The following RNF217 variants were observed in gnomAD, a reference collection of about 807,000 sequenced individuals.
RNF217 encodes ring finger protein 217.
A neutral mutation model predicts 57.8 loss-of-function variants in RNF217; 31 were observed. That is an observed-to-expected ratio of 0.54 (90% CI 0.40 to 0.72). RNF217 has a LOEUF of 0.72. Among genes scored for constraint, RNF217 ranks in the 30% least tolerant of loss-of-function variants. The pLI is 0.00. For synonymous variants in RNF217, 313 were observed against 294.0 expected (o/e 1.06, Z -0.66); for missense variants, 696 against 708.3 (o/e 0.98, Z 0.20).
chr6:124,998,904 A>G (rs765313944), intron 1 of RNF217, among the ~76,000 whole-genome samples: 11 of 152,216 alleles, frequency 7.2e-5, no homozygotes, highest in Non-Finnish European at 1.6e-4. Context: ...TTGGTCCAGA[A>G]CAATGCCTTA....
chr6:124,962,701 G>C lies in RNF217; in HGVS notation c.157G>C (p.Gly53Arg). ...CGCCGCCTCCGCGGAGCCGAGCGGC[G>C]GTGGCTGCGGAAGCGACTGGGGCTG... ...LRAASAEPSG[G>R]GCGSDWGCAD... Residue 53 changes from glycine to arginine, a missense_variant, in exon 1 of 6, where the codon GGT (glycine) becomes CGT (arginine). By Grantham distance (125) the Gly-to-Arg change is moderately radical. Coordinates refer to ENST00000521654, the MANE Select transcript of RNF217 (RefSeq NM_001286398.3). The surrounding 1 kb of genome is among the most constrained non-coding windows in gnomAD (Gnocchi z 4.6). The C allele has an allele frequency of 7.1e-7, 1 of 1,404,280 alleles. No individual in the cohort carries two copies. Among genetic ancestry groups the C allele is most frequent in the Non-Finnish European group, 9.2e-7 (1 of 1,091,920 alleles). The allele number at this position is 1,404,280 out of a possible 1,614,324, so 87.0% of individuals were successfully genotyped here.
At chr6:124,997,747 A>G (rs2115062811) in intron 1 of RNF217, among the ~76,000 whole-genome samples, 1 of 152,244 alleles carries the variant, frequency 6.6e-6, no homozygotes, top group Middle Eastern at 3.4e-3. Flanking sequence ...AGCCCTGAAC[A>G]CTTTCCCTTG....
rs61496685 is a variant in RNF217 at position 125,071,484 on chromosome 6, ATGTGTGTGTGTGTGTGTGTG to A, written c.1282-5139_1282-5120del. On this transcript the variant is annotated intron_variant, in intron 3 of 5. Transcript: ENST00000521654. ...TTCAACTTGGAGCATCTGCCTACAT[ATGTGTGTGTGTGTGTGTGTG>A]TGTGTGTGTGTGTGTGTGTGTGTGT... 4.1e-3 allele frequency among the ~76,000 whole-genome samples: 562 copies of A among 136,838 alleles called. 7 individuals carry two copies. Among genetic ancestry groups the A allele is most frequent in the Admixed American group, 0.023 (312 of 13,288 alleles). The allele number at this position is 136,838 out of a possible 152,430, so 89.8% of individuals were successfully genotyped here.
intron 1 of RNF217, among the ~76,000 whole-genome samples, chr6:125,034,772 A>G (rs188273846): frequency 0.016 from 2,493 of 152,178 alleles, 71 homozygotes; most frequent in African/African-American, 0.057. Flanking sequence ...AACTGAATCT[A>G]TAAATTACCT....
intron 1 of RNF217, among the ~76,000 whole-genome samples, chr6:125,000,525 AAAC>A (rs1334686247): frequency 6.6e-6 from 1 of 152,052 alleles, no homozygotes; most frequent in Non-Finnish European, 1.5e-5. Flanking sequence ...TATTTTTTGA[AAAC>A]AACTACTGAT....
chr6:125,082,621 A>C lies in RNF217; in HGVS notation c.1556-243A>C, dbSNP rs957653322. ...TGGACAATAAAGAAGATTTAAACCA[A>C]AGTTTTGATATTTGGATAGAAATCA... On this transcript the variant is annotated intron_variant, in intron 5 of 5. Transcript: ENST00000521654. 99 of 1,575,814 alleles carry C rather than the reference A, an allele frequency of 6.3e-5. No individual in the cohort carries two copies. In the Middle Eastern group the frequency reaches 6.8e-4, roughly 11 times the overall value.
At chr6:125,002,012 A>G (rs1296344864) in intron 1 of RNF217, among the ~76,000 whole-genome samples, 1 of 152,212 alleles carries the variant, frequency 6.6e-6, no homozygotes, top group African/African-American at 2.4e-5. Context: ...TATTCTCCAT[A>G]TGAAATAAGA....
chr6:125,011,087 C>A (rs1191738189), intron 1 of RNF217, among the ~76,000 whole-genome samples: 1 of 151,884 alleles, frequency 6.6e-6, no homozygotes, highest in Non-Finnish European at 1.5e-5. Context: ...GTATAGGGTA[C>A]CAAGAATGTT....
rs1788936287 is a variant in RNF217, at chr6:125,091,140, T to C, written c.*8203T>C. 1 of 152,066 alleles carries C rather than the reference T, an allele frequency of 6.6e-6. No individual in the cohort carries two copies. The highest frequency in any genetic ancestry group is 2.4e-5 in the African/African-American group (1 of 41,452). The allele number at this position is 152,066 out of a possible 1,614,324, so 9.4% of individuals were successfully genotyped here. ...TCCATGAATTGTGTTTTTAGCATAG[T>C]ATATACTTTTCTACCACGTTAGCAT... On this transcript the variant is annotated 3_prime_UTR_variant, in exon 6 of 6. Transcript: ENST00000521654.
chr6:124,981,433 C>T (rs1049365979), intron 1 of RNF217, among the ~76,000 whole-genome samples: 1 of 152,140 alleles, frequency 6.6e-6, no homozygotes, highest in African/African-American at 2.4e-5. Flanking sequence ...CATGAGACAT[C>T]AATCAGTATG....
chr6:125,021,637 A>T lies in RNF217; in HGVS notation c.883-23574A>T, dbSNP rs559098433. 4.0e-4 allele frequency among the ~76,000 whole-genome samples: 61 copies of T among 152,316 alleles called. 1 individual carries two copies. In the South Asian group the frequency reaches 0.012, roughly 31 times the overall value. ...AATTCAGAGTACATGTAGAATAAAT[A>T]TATTCTACAAGGACTTATATGAAAA... On this transcript the variant is annotated intron_variant, in intron 1 of 5. Transcript: ENST00000521654.
Position 125,072,765 on chromosome 6 carries a change from TTGTC to T in RNF217, c.1282-3889_1282-3886del, listed in dbSNP as rs1788198144. Among the ~76,000 whole-genome samples, 7 of 152,314 alleles carry T rather than the reference TTGTC, an allele frequency of 4.6e-5. No individual in the cohort carries two copies. In the South Asian group the frequency reaches 1.0e-3, roughly 23 times the overall value. ...CCTTGTGGAGGGAGAGCTGACATGT[TTGTC>T]TGACTGGTTGGCAAATAATATGATT... On this transcript the variant is annotated intron_variant, in intron 3 of 5. Coordinates refer to ENST00000521654, the MANE Select transcript of RNF217 (RefSeq NM_001286398.3).
chr6:125,065,129 G>C (rs1198717410), intron 3 of RNF217, among the ~76,000 whole-genome samples: 1 of 150,972 alleles, frequency 6.6e-6, no homozygotes, highest in Non-Finnish European at 1.5e-5. Flanking sequence ...AAAAATAAAA[G>C]ATAAAAAAAA....
At chr6:125,039,527 A>G (rs1786790556) in intron 1 of RNF217, among the ~76,000 whole-genome samples, 1 of 152,150 alleles carries the variant, frequency 6.6e-6, no homozygotes, top group South Asian at 2.1e-4. Context: ...CATTTTCAAT[A>G]TTAGACAGAT....
intron 2 of RNF217, among the ~76,000 whole-genome samples, chr6:125,049,979 T>C (rs1787248065): frequency 6.6e-6 from 1 of 151,862 alleles, no homozygotes; most frequent in Non-Finnish European, 1.5e-5. Context: ...TTGGTGGAAG[T>C]CATCAATATT....
intron 3 of RNF217, among the ~76,000 whole-genome samples, chr6:125,075,493 AG>A (rs1231867782): frequency 6.6e-6 from 1 of 152,112 alleles, no homozygotes; most frequent in Non-Finnish European, 1.5e-5. Context: ...GAATGCAAGC[AG>A]GGGAAATGCC....
intron 1 of RNF217, among the ~76,000 whole-genome samples, chr6:125,010,820 AGAGAGCTGAGGAATGATCTAAG>A (rs1785387132): frequency 6.6e-6 from 1 of 152,182 alleles, no homozygotes. Flanking sequence ...GGTGTAGCAG[AGAGAGCTGAGGAATGATCTAAG>A]GTCTGCCAGC....
intron 3 of RNF217, among the ~76,000 whole-genome samples, chr6:125,074,017 A>G (rs1162326257): frequency 1.3e-5 from 2 of 152,116 alleles, no homozygotes; most frequent in Non-Finnish European, 2.9e-5. Context: ...GTCAAAGCTC[A>G]TGTTCTTTCC....
chr6:125,083,077 A>G lies in RNF217; in HGVS notation c.*140A>G, dbSNP rs568230400. 9.8e-4 allele frequency: 564 copies of G among 577,556 alleles called. 5 individuals carry two copies. Among genetic ancestry groups the G allele is most frequent in the African/African-American group, 9.5e-3 (488 of 51,456 alleles). 35.8% of individuals were successfully genotyped at this position (577,556 alleles called of 1,614,324 possible). A position where few individuals can be genotyped will look rare whatever the true frequency, so the allele number is the denominator to read the frequency against. On this transcript the variant is annotated 3_prime_UTR_variant, in exon 6 of 6. Transcript: ENST00000521654. ...CTCCCAGTGATTCTCCGTGGGCCACAATGCCTCTAGCTATGGTGCACTCCC... is the reference window on the plus strand; with the variant it reads ...CTCCCAGTGATTCTCCGTGGGCCACGATGCCTCTAGCTATGGTGCACTCCC...
Sources: allele counts gnomAD v4.1 joint callset (sites outside exome capture counted in the v4.1 genomes callset), GRCh38; gene constraint gnomAD v4.1.1; non-coding constraint Gnocchi (gnomAD v3.1); transcripts MANE v1.5; gene names NCBI Gene and HGNC (gene_info 2026-07-23, HGNC 2026-07-21).